CBFA2T3: variants seen among roughly 807,000 people sequenced by gnomAD.
CBFA2T3 encodes CBFA2/RUNX1 partner transcriptional co-repressor 3.
CBFA2T3 carries 31 observed loss-of-function variants against 58.6 expected under a neutral mutation model. That is an observed-to-expected ratio of 0.53 (90% CI 0.40 to 0.71). The LOEUF is 0.71. Ranked by LOEUF, CBFA2T3 falls within the 30% of genes least tolerant of loss-of-function variation. The pLI, the probability that CBFA2T3 is intolerant of heterozygous loss-of-function variation, is 0.00. For missense variants in CBFA2T3, 1,076 were observed against 963.1 expected, an observed-to-expected ratio of 1.12 and a Z score of -1.55; for synonymous variants, 531 against 421.9, an observed-to-expected ratio of 1.26 and a Z score of -3.17.
intron 4 of CBFA2T3, 78 bp downstream of exon 4, chr16:88,892,166 G>C: frequency 6.6e-7 from 1 of 1,523,036 alleles, no homozygotes; most frequent in African/African-American, 1.4e-5. Flanking sequence ...CCCATGTAAG[G>C]AGTGGCCGTG....
chr16:88,881,082 G>A (rs1483630149), intron 9 of CBFA2T3: 1 of 713,594 alleles, frequency 1.4e-6, no homozygotes, highest in African/African-American at 1.7e-5. Context: ...GGGCCTCCCA[G>A]CTCCGAGCCT....
chr16:88,885,820 C>G lies in CBFA2T3; in HGVS notation c.893+141G>C, dbSNP rs1969344348. On this transcript the variant is annotated intron_variant, in intron 6 of 11. Transcript: ENST00000268679. This position sits in a 1 kb window ranked among gnomAD's most constrained non-coding sequence, Gnocchi z 5.3. ...ACCAAGCCTGCTGGCCCTAGTACAC[C>G]TCGCCACGCTCCCTCAGCCCGAGAG... The G allele has an allele frequency of 1.4e-6, 1 of 722,188 alleles. No individual in the cohort carries two copies. The highest frequency in any genetic ancestry group is 2.6e-5 in the Admixed American group (1 of 38,140). 44.7% of individuals were successfully genotyped at this position (722,188 alleles called of 1,614,324 possible).
intron 5 of CBFA2T3, among the ~76,000 whole-genome samples, chr16:88,889,581 A>G (rs916909149): frequency 6.6e-6 from 1 of 151,868 alleles, no homozygotes; most frequent in East Asian, 1.9e-4. Context: ...CCTGGGGGGA[A>G]CCCAGAGCCT....
intron 3 of CBFA2T3, among the ~76,000 whole-genome samples, chr16:88,894,645 C>T (rs953837672): frequency 6.6e-6 from 1 of 152,240 alleles, no homozygotes; most frequent in Non-Finnish European, 1.5e-5. Context: ...ATGATGTACA[C>T]GCTCGTCTCT....
At chr16:88,896,297 C>T (rs954543836) in intron 3 of CBFA2T3, among the ~76,000 whole-genome samples, 1 of 152,172 alleles carries the variant, frequency 6.6e-6, no homozygotes, top group Non-Finnish European at 1.5e-5. Flanking sequence ...AGCGGCTGCT[C>T]CCCTCAACCG....
chr16:88,923,986 G>T (rs1010987753), intron 1 of CBFA2T3, among the ~76,000 whole-genome samples: 1 of 152,176 alleles, frequency 6.6e-6, no homozygotes, highest in African/African-American at 2.4e-5. Context: ...TGCACAGCCC[G>T]GCAAGGGTGC....
chr16:88,928,099 TGGCCACCACGG>T (rs1204451989), intron 1 of CBFA2T3, among the ~76,000 whole-genome samples: 2 of 152,218 alleles, frequency 1.3e-5, no homozygotes, highest in Non-Finnish European at 2.9e-5. Context: ...GCCGAGACCC[TGGCCACCACGG>T]GGCCATCACT....
intron 1 of CBFA2T3, among the ~76,000 whole-genome samples, chr16:88,944,498 G>A (rs1182899064): frequency 6.6e-6 from 1 of 152,146 alleles, no homozygotes; most frequent in Non-Finnish European, 1.5e-5. Flanking sequence ...GCGCACAGCG[G>A]GGCAGCCCCA....
intron 3 of CBFA2T3, among the ~76,000 whole-genome samples, chr16:88,895,257 G>C (rs961963531): frequency 3.9e-5 from 6 of 152,330 alleles, no homozygotes; most frequent in African/African-American, 1.4e-4. Context: ...CCCTCTCTAA[G>C]TGTCCCTCCA....
At chr16:88,921,020 T>C (rs1970897931) in intron 1 of CBFA2T3, among the ~76,000 whole-genome samples, 1 of 152,252 alleles carries the variant, frequency 6.6e-6, no homozygotes, top group Admixed American at 6.5e-5. Context: ...GCAAACCTTT[T>C]AAACAGATGT....
rs576934029 is a variant in CBFA2T3 at position 88,932,791 on chromosome 16, C to CAAAA, written c.152-31139_152-31136dup. On this transcript the variant is annotated intron_variant, in intron 1 of 11. Coordinates refer to ENST00000268679, the MANE Select transcript of CBFA2T3 (RefSeq NM_005187.6). ...GGCAAACCCGTCTCTACTAAAAATACAAAAAAAAAAAAAAAAAAAAAAAAA... is the reference window on the plus strand; with the variant it reads ...GGCAAACCCGTCTCTACTAAAAATACAAAAAAAAAAAAAAAAAAAAAAAAAAAAA... Among the ~76,000 whole-genome samples the CAAAA allele has an allele frequency of 3.0e-3, 83 of 27,874 alleles. 3 individuals carry two copies. The highest frequency in any genetic ancestry group is 6.5e-3 in the South Asian group (2 of 306). The allele number at this position is 27,874 out of a possible 152,430, so 18.3% of individuals were successfully genotyped here.
Position 88,879,300 on chromosome 16 carries a change from C to T in CBFA2T3, c.1632G>A (p.Thr544=), listed in dbSNP as rs764032359. The T allele has an allele frequency of 2.0e-5, 32 of 1,606,644 alleles. No individual in the cohort carries two copies. The highest frequency in any genetic ancestry group is 6.7e-5 in the East Asian group (3 of 44,790). ...TGGAGTCCTCCTGCTGGTTGATGAC[C>T]GTCAGGGCGTCCTCGGAGGCCTGCC... ...AKRQASEDAL[T]VINQQEDSSE... The change falls in exon 11 of 12, where the codon ACG becomes ACA. Residue 544 remains threonine (T), a synonymous_variant. Coordinates refer to ENST00000268679, the MANE Select transcript of CBFA2T3 (RefSeq NM_005187.6).
In CBFA2T3 at chr16:88,934,188, A is replaced by ATG. The variant is rs1469452697; in HGVS notation, c.152-32533_152-32532insCA. Among the ~76,000 whole-genome samples, 585 of 132,624 alleles carry ATG rather than the reference A, an allele frequency of 4.4e-3. 6 individuals are homozygous for ATG. The highest frequency in any genetic ancestry group is 0.02 in the African/African-American group (549 of 27,994). 87.0% of individuals were successfully genotyped at this position (132,624 alleles called of 152,430 possible). On this transcript the variant is annotated intron_variant, in intron 1 of 11. Coordinates refer to ENST00000268679, the MANE Select transcript of CBFA2T3 (RefSeq NM_005187.6). ...AGGCACCGGCGAGAAGGGCTGCCCC[A>ATG]CGCCCCTCGGCACACGGAGGCACCG...
Position 88,958,724 on chromosome 16 carries a change from G to A in CBFA2T3, c.151+17933C>T, listed in dbSNP as rs537213898. On this transcript the variant is annotated intron_variant, in intron 1 of 11. Coordinates refer to ENST00000268679, the MANE Select transcript of CBFA2T3 (RefSeq NM_005187.6). This position sits in a 1 kb window ranked among gnomAD's most constrained non-coding sequence, Gnocchi z 4.0. ...GGCCTCGGTGTGGCCTTTGGAAGGAGATGAACTTGCTCTCCCAGGGCTGGG... is the reference window on the plus strand; with the variant it reads ...GGCCTCGGTGTGGCCTTTGGAAGGAAATGAACTTGCTCTCCCAGGGCTGGG... 3.7e-4 allele frequency among the ~76,000 whole-genome samples: 56 copies of A among 152,096 alleles called. No homozygotes were observed. The highest frequency in any genetic ancestry group is 1.3e-3 in the African/African-American group (53 of 41,500).
chr16:88,935,594 G>A (rs571136706), intron 1 of CBFA2T3, among the ~76,000 whole-genome samples: 1 of 152,356 alleles, frequency 6.6e-6, no homozygotes, highest in Non-Finnish European at 1.5e-5. Flanking sequence ...GGTGGAGCAG[G>A]CACAGGGCCT....
intron 1 of CBFA2T3, among the ~76,000 whole-genome samples, chr16:88,945,627 C>T (rs115054626): frequency 1.7e-3 from 261 of 152,328 alleles, no homozygotes; most frequent in African/African-American, 5.9e-3. Context: ...GAGGCCACGA[C>T]ACGCCTGTTA....
chr16:88,885,662 T>C lies in CBFA2T3; in HGVS notation c.893+299A>G, dbSNP rs1348241223. On this transcript the variant is annotated intron_variant, in intron 6 of 11. Transcript: ENST00000268679. The surrounding 1 kb of genome is among the most constrained non-coding windows in gnomAD (Gnocchi z 5.3). ...GCCCAGCCCAGGCACCTGGGGACCA[T>C]GGACCCCGGACGCTCGGAGTCCATG... 6.9e-6 allele frequency: 3 copies of C among 435,578 alleles called. No homozygotes were observed. The highest frequency in any genetic ancestry group is 4.2e-5 in the East Asian group (1 of 23,586). The allele number at this position is 435,578 out of a possible 1,614,324, so 27.0% of individuals were successfully genotyped here.
chr16:88,882,708 C>G lies in CBFA2T3; in HGVS notation c.1171G>C (p.Glu391Gln). ...EVIDHKLTER[E>Q]WAEEWKHLNN... ...AGGTGCTTCCACTCTTCTGCCCACT[C>G]ACGCTCTGTGAGCTTGTGGTCGATC... Residue 391 changes from glutamate to glutamine, a missense_variant, in exon 8 of 12, where the codon GAG becomes CAG. By Grantham distance (29) the Glu-to-Gln change is conservative. Transcript: ENST00000268679. 1.9e-6 allele frequency: 3 copies of G among 1,590,912 alleles called. No individual in the cohort carries two copies. Among genetic ancestry groups the G allele is most frequent in the Non-Finnish European group, 2.6e-6 (3 of 1,169,012 alleles).
chr16:88,976,928 G>A lies in CBFA2T3; in HGVS notation c.-121C>T. The A allele has an allele frequency of 4.7e-6, 6 of 1,270,008 alleles. No homozygotes were observed. The highest frequency in any genetic ancestry group is 2.6e-5 in the East Asian group (1 of 38,804). 78.7% of individuals were successfully genotyped at this position (1,270,008 alleles called of 1,614,324 possible). ...GGGGCTGGGCCAGCTGGGGCGTCCT[G>A]GAGTTGGGCCTCTGTCCCTGGAAAG... On this transcript the variant is annotated 5_prime_UTR_variant, in exon 1 of 12. Transcript: ENST00000268679.
Sources: gnomAD v4.1 joint callset for allele counts (sites outside exome capture counted in the v4.1 genomes callset) on GRCh38, gnomAD v4.1.1 for gene constraint, Gnocchi (gnomAD v3.1) non-coding constraint, MANE v1.5 for transcripts, NCBI Gene and HGNC (gene_info 2026-07-23, HGNC 2026-07-21) for gene names.